IFRD1: variants seen among roughly 807,000 people sequenced by gnomAD.
IFRD1 encodes the protein interferon related developmental regulator 1, also known as interferon-related developmental regulator 1.
A neutral mutation model predicts 52.9 loss-of-function variants in IFRD1; 35 were observed. The ratio of observed to expected loss-of-function variants is 0.66; its 90% CI spans 0.51 to 0.88. The LOEUF is 0.88. IFRD1 is among the 40% of genes least tolerant of loss of function. The pLI is 0.00. For synonymous variants in IFRD1, 184 were observed against 188.4 expected, an observed-to-expected ratio of 0.98 and a Z score of 0.19; for missense variants, 517 against 550.8, an observed-to-expected ratio of 0.94 and a Z score of 0.61.
intron 1 of IFRD1, among the ~76,000 whole-genome samples, chr7:112,455,171 A>G (rs530474980): frequency 5.9e-5 from 9 of 151,458 alleles, no homozygotes; most frequent in African/African-American, 1.7e-4. Flanking sequence ...CCTTTGTATC[A>G]GTTTTTGTGT....
At position 112,456,897 on chromosome 7, in the gene IFRD1, C is replaced by T. The variant is rs1159105679; in HGVS notation, c.285-17C>T. On this transcript the variant is annotated splice_polypyrimidine_tract_variant and intron_variant, in intron 3 of 11. Coordinates refer to ENST00000403825, the MANE Select transcript of IFRD1 (RefSeq NM_001550.4). ...CTCCAACTGGATCTTCTTTCTCTTA[C>T]ATTGGGTGTTAAATAGTGCGAAGAC... The T allele has an allele frequency of 1.9e-6, 3 of 1,611,776 alleles. No individual in the cohort carries two copies. The highest frequency in any genetic ancestry group is 2.2e-5 in the East Asian group (1 of 44,810).
chr7:112,471,440 C>T (rs2117333931), intron 9 of IFRD1, among the ~76,000 whole-genome samples: 1 of 152,262 alleles, frequency 6.6e-6, no homozygotes, highest in Admixed American at 6.5e-5. Context: ...GTGGTTTTGT[C>T]ATTCAAGTTC....
chr7:112,452,038 T>C (rs924545579), intron 1 of IFRD1: 1 of 979,866 alleles, frequency 1.0e-6, no homozygotes, highest in African/African-American at 1.8e-5. Context: ...ATTTTTTACA[T>C]TTTTTAGGTG....
At chr7:112,423,376 A>G (rs1179804560) in exon 1 of IFRD1, 1 of 152,228 alleles carries the variant, frequency 6.6e-6, no homozygotes, top group Non-Finnish European at 1.5e-5. Flanking sequence ...AGGTGCCAAC[A>G]TTATGCGAAG....
At chr7:112,444,255 T>C (rs1018266143) in intron 1 of IFRD1, among the ~76,000 whole-genome samples, 1 of 152,198 alleles carries the variant, frequency 6.6e-6, no homozygotes, top group Non-Finnish European at 1.5e-5. Context: ...ACACTGACTG[T>C]CTTTTGTCAG....
chr7:112,440,829 A>C (rs1584474681), intron 1 of IFRD1, among the ~76,000 whole-genome samples: 1 of 152,202 alleles, frequency 6.6e-6, no homozygotes, highest in South Asian at 2.1e-4. Flanking sequence ...CTTGAGCATA[A>C]GAAACAATTT....
chr7:112,445,923 T>C (rs899054332), upstream of IFRD1, among the ~76,000 whole-genome samples: 1 of 152,024 alleles, frequency 6.6e-6, no homozygotes, highest in Admixed American at 6.5e-5. Context: ...AAAAAAACCC[T>C]ACAATACATA....
chr7:112,450,821 C>A, intron 1 of IFRD1, 39 bp downstream of exon 1: 2 of 1,439,180 alleles, frequency 1.4e-6, no homozygotes, highest in Non-Finnish European at 2.0e-6. Context: ...CAGTTGCCGG[C>A]CAGGCTGGCG....
chr7:112,451,717 C>T (rs1170893336), intron 1 of IFRD1, among the ~76,000 whole-genome samples: 3 of 152,008 alleles, frequency 2.0e-5, no homozygotes, highest in African/African-American at 4.8e-5. Context: ...TAGGAGAGAC[C>T]CCAATAAACT....
At chr7:112,447,349 C>T (rs1795052368), upstream of IFRD1, among the ~76,000 whole-genome samples, 1 of 152,196 alleles carries the variant, frequency 6.6e-6, no homozygotes, top group South Asian at 2.1e-4. Context: ...ATGTTGGTAA[C>T]AAATATGTGA....
chr7:112,439,387 C>A (rs756183592), intron 1 of IFRD1, among the ~76,000 whole-genome samples: 2 of 152,162 alleles, frequency 1.3e-5, no homozygotes, highest in Admixed American at 6.5e-5. Flanking sequence ...CAAATGGTAT[C>A]ATCATTTTAA....
At chr7:112,449,840 GA>G (rs1179809451), upstream of IFRD1, among the ~76,000 whole-genome samples, 256 of 82,022 alleles carry the variant, frequency 3.1e-3, no homozygotes, top group Middle Eastern at 7.2e-3. Context: ...GGGGGGGGGG[GA>G]TGGGGGGCAC....
upstream of IFRD1, chr7:112,446,264 A>C (rs1440918450): frequency 1.4e-5 from 3 of 215,204 alleles, no homozygotes; most frequent in African/African-American, 7.0e-5. Flanking sequence ...TCATCTGAAG[A>C]GCACTCTAGA....
Position 112,450,766 on chromosome 7 carries a change from G to T in IFRD1, c.78G>T (p.Ala26=). The change falls in exon 1 of 12, where the codon GCG becomes GCT. Residue 26 remains alanine, a synonymous_variant. Transcript: ENST00000403825. ...GCGGCGGGTCAGGAGCAGCCGCAGCGACGGCGGCGACAGCAGGTAAGGGGT... is the reference window on the plus strand; with the variant it reads ...GCGGCGGGTCAGGAGCAGCCGCAGCTACGGCGGCGACAGCAGGTAAGGGGT... The part of the protein sequence containing the change: ...AGGGGSGAAA[A]TAATAGGQHR... 6.2e-7 allele frequency: 1 copy of T among 1,612,068 alleles called. No individual in the cohort carries two copies. The highest frequency in any genetic ancestry group is 1.1e-5 in the South Asian group (1 of 91,008).
chr7:112,438,103 G>A (rs933703812), intron 1 of IFRD1, among the ~76,000 whole-genome samples: 15 of 152,108 alleles, frequency 9.9e-5, no homozygotes, highest in Admixed American at 4.6e-4. Flanking sequence ...TTAGATATGG[G>A]GTTCTGGAGT....
intron 8 of IFRD1, among the ~76,000 whole-genome samples, chr7:112,465,272 A>T (rs1288857624): frequency 6.6e-6 from 1 of 152,136 alleles, no homozygotes; most frequent in African/African-American, 2.4e-5. Context: ...GACCCAGCTT[A>T]TTTTGTTTAT....
intron 1 of IFRD1, among the ~76,000 whole-genome samples, chr7:112,435,903 A>C (rs1483673087): frequency 2.8e-5 from 4 of 142,748 alleles, no homozygotes; most frequent in Admixed American, 7.1e-5. Flanking sequence ...TTGTTTTTTG[A>C]ACAGAGTCTT....
intron 9 of IFRD1, among the ~76,000 whole-genome samples, chr7:112,469,027 T>C (rs1795682781): frequency 6.6e-6 from 1 of 152,110 alleles, no homozygotes; most frequent in East Asian, 1.9e-4. Context: ...AATTGTTTTT[T>C]GGTAGGCCAG....
At chr7:112,430,204 C>T (rs922527576) in intron 1 of IFRD1, among the ~76,000 whole-genome samples, 1 of 152,196 alleles carries the variant, frequency 6.6e-6, no homozygotes, top group Non-Finnish European at 1.5e-5. Flanking sequence ...CAACCTGAGG[C>T]AGGTGAAGGA....
Sources: allele counts gnomAD v4.1 joint callset (sites outside exome capture counted in the v4.1 genomes callset), GRCh38; gene constraint gnomAD v4.1.1; transcripts MANE v1.5; gene names NCBI Gene and HGNC (gene_info 2026-07-23, HGNC 2026-07-21).